Variants in NME7 observed in about 807,000 individuals in gnomAD.
The protein encoded by NME7 is NME/NM23 family member 7, also known as nucleoside diphosphate kinase 7.
In NME7, 41 loss-of-function variants were observed where a neutral mutation model predicts 49.1. The ratio of observed to expected loss-of-function variants is 0.83; its 90% CI spans 0.65 to 1.08. The LOEUF (loss-of-function observed/expected upper bound fraction) is 1.08. Among genes scored for constraint, NME7 ranks in the 50% least tolerant of loss-of-function variants. The probability of loss-of-function intolerance (pLI) is 0.00; values close to 1 mark genes in which losing one functional copy is unlikely to be tolerated. For synonymous variants in NME7, 139 were observed against 150.6 expected (o/e 0.92, Z 0.56); for missense variants, 423 against 463.4 (o/e 0.91, Z 0.80).
intron 1 of NME7, among the ~76,000 whole-genome samples, chr1:169,365,590 G>T (rs1001693995): frequency 1.3e-5 from 2 of 152,142 alleles, no homozygotes; most frequent in African/African-American, 2.4e-5. Flanking sequence ...AAAGGGAAAG[G>T]CAAAAGCTAG....
At chr1:169,321,446 T>C (rs184950377) in intron 3 of NME7, among the ~76,000 whole-genome samples, 128 of 152,372 alleles carry the variant, frequency 8.4e-4, no homozygotes, top group Non-Finnish European at 1.5e-3. Context: ...ACATAGTATG[T>C]GCTCCATAAA....
chr1:169,252,912 T>C (rs1181504177), intron 7 of NME7, among the ~76,000 whole-genome samples: 7 of 150,038 alleles, frequency 4.7e-5, no homozygotes, highest in African/African-American at 1.7e-4. Flanking sequence ...TTCTGTTCCA[T>C]TGATCTATAT....
chr1:169,152,019 G>T (rs1226779662), intron 11 of NME7, among the ~76,000 whole-genome samples: 1 of 152,092 alleles, frequency 6.6e-6, no homozygotes, highest in Non-Finnish European at 1.5e-5. Flanking sequence ...ATTTGTGTGG[G>T]TTTTATATTT....
intron 11 of NME7, among the ~76,000 whole-genome samples, chr1:169,143,764 G>T (rs1022933919): frequency 6.6e-6 from 1 of 152,160 alleles, no homozygotes; most frequent in Non-Finnish European, 1.5e-5. Flanking sequence ...TGCACTGACA[G>T]CTCTGTACAT....
At chr1:169,280,629 G>A (rs1649969595) in intron 7 of NME7, among the ~76,000 whole-genome samples, 1 of 147,606 alleles carries the variant, frequency 6.8e-6, no homozygotes, top group Non-Finnish European at 1.5e-5. Flanking sequence ...GTTGATTTTT[G>A]TAAAAGGTGT....
At chr1:169,181,390 C>A (rs947120229) in intron 10 of NME7, among the ~76,000 whole-genome samples, 3 of 151,756 alleles carry the variant, frequency 2.0e-5, no homozygotes, top group African/African-American at 7.3e-5. Flanking sequence ...CACACACACA[C>A]ACACACACAC....
At chr1:169,183,431 C>T (rs1033031018) in intron 10 of NME7, among the ~76,000 whole-genome samples, 1 of 152,172 alleles carries the variant, frequency 6.6e-6, no homozygotes, top group Non-Finnish European at 1.5e-5. Flanking sequence ...AGGCAAGACT[C>T]CCATTTATAA....
chr1:169,331,052 G>T (rs1652237989), intron 1 of NME7, among the ~76,000 whole-genome samples: 1 of 152,106 alleles, frequency 6.6e-6, no homozygotes, highest in Admixed American at 6.6e-5. Flanking sequence ...AAATATTGAT[G>T]CAAAACTTGT....
intron 1 of NME7, among the ~76,000 whole-genome samples, chr1:169,332,388 A>G (rs1183713700): frequency 6.6e-6 from 1 of 152,180 alleles, no homozygotes; most frequent in Non-Finnish European, 1.5e-5. Context: ...CATGGGAGAA[A>G]ATCTCTAGGA....
At chr1:169,229,692 G>A (rs896318061) in intron 10 of NME7, among the ~76,000 whole-genome samples, 3 of 152,118 alleles carry the variant, frequency 2.0e-5, no homozygotes, top group Non-Finnish European at 4.4e-5. Flanking sequence ...CGGGCATAGC[G>A]GCTCATGCCT....
At chr1:169,152,171 C>T (rs1271932616) in intron 11 of NME7, among the ~76,000 whole-genome samples, 4 of 152,030 alleles carry the variant, frequency 2.6e-5, no homozygotes, top group Non-Finnish European at 4.4e-5. Flanking sequence ...TTTGACTCTA[C>T]TATATTTATT....
At chr1:169,175,628 G>A (rs1431926490) in intron 10 of NME7, among the ~76,000 whole-genome samples, 1 of 152,104 alleles carries the variant, frequency 6.6e-6, no homozygotes, top group Non-Finnish European at 1.5e-5. Context: ...CCTATATGCA[G>A]TCAGGTGTTG....
At position 169,367,326 on chromosome 1, in the gene NME7, G is replaced by A. The variant is rs3753302; in HGVS notation, c.3+382C>T. On this transcript the variant is annotated intron_variant, in intron 1 of 11. Coordinates refer to ENST00000367811, the MANE Select transcript of NME7 (RefSeq NM_013330.5). ...AGACTCCAAGATCTAGGGAGATTCAGATCAGTGTTGAGACAGTCACATACA... is the reference window on the plus strand; with the variant it reads ...AGACTCCAAGATCTAGGGAGATTCAAATCAGTGTTGAGACAGTCACATACA... Among the ~76,000 whole-genome samples, 47 of 152,290 alleles carry A rather than the reference G, an allele frequency of 3.1e-4. 1 individual carries two copies. The East Asian group carries it at 8.5e-3, about 28-fold the overall frequency.
At chr1:169,295,072 C>G (rs1415928) in intron 6 of NME7, among the ~76,000 whole-genome samples, 1 of 152,112 alleles carries the variant, frequency 6.6e-6, no homozygotes. Flanking sequence ...TCTGTGCACA[C>G]GCAGGCTCCC....
At chr1:169,336,609 T>C (rs951905746) in intron 1 of NME7, among the ~76,000 whole-genome samples, 2 of 151,778 alleles carry the variant, frequency 1.3e-5, no homozygotes, top group African/African-American at 4.8e-5. Flanking sequence ...AAACACAGGG[T>C]GCTGATTGGT....
chr1:169,366,004 A>G (rs955569904), intron 1 of NME7, among the ~76,000 whole-genome samples: 1 of 152,210 alleles, frequency 6.6e-6, no homozygotes, highest in Non-Finnish European at 1.5e-5. Flanking sequence ...GACATTTGAG[A>G]CAGATGTGTC....
chr1:169,332,295 C>T (rs1198434979), intron 1 of NME7, among the ~76,000 whole-genome samples: 2 of 152,066 alleles, frequency 1.3e-5, no homozygotes, highest in Non-Finnish European at 2.9e-5. Flanking sequence ...GACCCCCTAT[C>T]TCCAGCCATA....
intron 10 of NME7, among the ~76,000 whole-genome samples, chr1:169,175,725 C>A (rs533247083): frequency 4.8e-4 from 70 of 144,588 alleles, no homozygotes; most frequent in African/African-American, 1.7e-3. Flanking sequence ...CCAGGAAAAT[C>A]TAAGTACAAG....
intron 11 of NME7, among the ~76,000 whole-genome samples, chr1:169,153,808 A>C (rs9887903): frequency 0.4 from 59,874 of 151,282 alleles, 12,178 homozygotes; most frequent in East Asian, 0.74. Context: ...AAGAGATCCT[A>C]CCACCTCAGC....
Sources: allele counts gnomAD v4.1 joint callset (sites outside exome capture counted in the v4.1 genomes callset), GRCh38; gene constraint gnomAD v4.1.1; transcripts MANE v1.5; gene names NCBI Gene and HGNC (gene_info 2026-07-23, HGNC 2026-07-21).